The following FNDC3B variants were observed in gnomAD, a reference collection of about 807,000 sequenced individuals.
The protein encoded by FNDC3B is fibronectin type III domain-containing protein 3B.
FNDC3B carries 12 observed loss-of-function variants against 151.5 expected under a neutral mutation model. The ratio of observed to expected loss-of-function variants is 0.08; its 90% CI spans 0.05 to 0.13. The LOEUF is 0.13. Among genes scored for constraint, FNDC3B ranks in the 10% least tolerant of loss-of-function variants. The probability of loss-of-function intolerance (pLI) is 1.00; values close to 1 mark genes in which losing one functional copy is unlikely to be tolerated. For synonymous variants in FNDC3B, 528 were observed against 549.0 expected (o/e 0.96, Z 0.54); for missense variants, 1,214 against 1,505.3 (o/e 0.81, Z 3.20).
chr3:172,168,882 T>C lies in FNDC3B; in HGVS notation c.187+35336T>C, dbSNP rs1723147522. ...CGGCGCCACCACTCCCGGCTAATTT[T>C]TGTTATTTTTGCTAGAGACGGGGTT... is the stretch of plus-strand genomic sequence containing the variant. On this transcript the variant is annotated intron_variant, in intron 3 of 25. Transcript: ENST00000415807. Among the ~76,000 whole-genome samples, 3 of 151,262 alleles carry C rather than the reference T, an allele frequency of 2.0e-5. No homozygotes were observed. The South Asian group carries it at 6.3e-4, about 32-fold the overall frequency.
chr3:172,341,203 G>A lies in FNDC3B; in HGVS notation c.1943G>A (p.Cys648Tyr). The A allele has an allele frequency of 6.2e-7, 1 of 1,614,144 alleles. No homozygotes were observed. The highest frequency in any genetic ancestry group is 8.5e-7 in the Non-Finnish European group (1 of 1,179,968). ...GGCACTTTGTACAAACTCCGAGCAT[G>A]CTGCATCAGTACCGGCGGACACAGC... ...KPGTLYKLRA[C>Y]CISTGGHSQC... is the part of the protein sequence containing the mutation. The change falls in exon 17 of 26, where the codon TGC (cysteine) becomes TAC (tyrosine). Residue 648 changes from cysteine to tyrosine, a missense_variant. Transcript: ENST00000415807.
chr3:172,281,514 T>C (rs10936716), intron 6 of FNDC3B, among the ~76,000 whole-genome samples: 14,734 of 152,236 alleles, frequency 0.097, 779 homozygotes, highest in African/African-American at 0.14. Context: ...GAAAATGGTT[T>C]CGATCTGTTT....
At chr3:172,150,985 G>A (rs1018302514) in intron 3 of FNDC3B, among the ~76,000 whole-genome samples, 1 of 152,030 alleles carries the variant, frequency 6.6e-6, no homozygotes, top group Non-Finnish European at 1.5e-5. Flanking sequence ...CATTTTGTGT[G>A]TATGAAAAAA....
intron 3 of FNDC3B, among the ~76,000 whole-genome samples, chr3:172,149,748 T>C (rs1722110730): frequency 6.6e-6 from 1 of 151,744 alleles, no homozygotes; most frequent in African/African-American, 2.4e-5. Flanking sequence ...GTGTGATTTC[T>C]CTTGTTTTAA....
chr3:172,312,263 C>G (rs1312362044), intron 11 of FNDC3B, among the ~76,000 whole-genome samples: 1 of 152,190 alleles, frequency 6.6e-6, no homozygotes, highest in Non-Finnish European at 1.5e-5. Context: ...CCCAGAACAA[C>G]CGTCTGTTGT....
chr3:172,134,272 G>A (rs1721252967), intron 3 of FNDC3B: 1 of 475,860 alleles, frequency 2.1e-6, no homozygotes, highest in African/African-American at 2.0e-5. Flanking sequence ...TAGTTCACTT[G>A]GAAATAAATG....
chr3:172,318,411 C>A (rs545444631), intron 11 of FNDC3B, among the ~76,000 whole-genome samples: 3 of 152,136 alleles, frequency 2.0e-5, no homozygotes, highest in African/African-American at 7.2e-5. Flanking sequence ...GAGTTGGCCC[C>A]GTAGAAGATA....
At chr3:172,288,574 A>C (rs1366628614) in intron 7 of FNDC3B, among the ~76,000 whole-genome samples, 5 of 152,248 alleles carry the variant, frequency 3.3e-5, no homozygotes, top group African/African-American at 1.2e-4. Flanking sequence ...CATAAGCAGC[A>C]CATTATCTTT....
chr3:172,234,670 G>C (rs1197571064), intron 4 of FNDC3B, among the ~76,000 whole-genome samples: 1 of 152,170 alleles, frequency 6.6e-6, no homozygotes, highest in Non-Finnish European at 1.5e-5. Flanking sequence ...GATTTTCATA[G>C]TAGGATTGAC....
At chr3:172,298,290 T>G (rs1015403397) in intron 8 of FNDC3B, among the ~76,000 whole-genome samples, 1 of 152,208 alleles carries the variant, frequency 6.6e-6, no homozygotes, top group African/African-American at 2.4e-5. Context: ...CATTGGTAAG[T>G]GAGGAAGTGA....
chr3:172,136,737 T>C (rs1228144950), intron 3 of FNDC3B, among the ~76,000 whole-genome samples: 1 of 152,174 alleles, frequency 6.6e-6, no homozygotes, highest in African/African-American at 2.4e-5. Context: ...TTTTTTGTTT[T>C]GAGATGGAGT....
At chr3:172,326,697 C>T (rs1174611507) in intron 11 of FNDC3B, among the ~76,000 whole-genome samples, 1 of 152,152 alleles carries the variant, frequency 6.6e-6, no homozygotes, top group Non-Finnish European at 1.5e-5. Context: ...TGCTCTGGCT[C>T]TCTTAAAAGT....
At chr3:172,176,511 T>A (rs1276937558) in intron 3 of FNDC3B, among the ~76,000 whole-genome samples, 1 of 152,170 alleles carries the variant, frequency 6.6e-6, no homozygotes, top group Admixed American at 6.5e-5. Flanking sequence ...AGTTAGGAAA[T>A]TTAGTTCCTG....
At chr3:172,394,106 TAAAAAAA>T (rs60559371) in intron 25 of FNDC3B, among the ~76,000 whole-genome samples, 196 of 16,644 alleles carry the variant, frequency 0.012, 5 homozygotes, top group African/African-American at 0.038. Flanking sequence ...AGACTCCTTC[TAAAAAAA>T]AAAAAAAAAA....
At chr3:172,290,162 G>T (rs998035768) in intron 7 of FNDC3B, among the ~76,000 whole-genome samples, 3 of 152,074 alleles carry the variant, frequency 2.0e-5, no homozygotes, top group African/African-American at 7.2e-5. Context: ...TAAATAAAAG[G>T]CATATATTTT....
chr3:172,118,239 T>C (rs1720360532), intron 2 of FNDC3B, among the ~76,000 whole-genome samples: 1 of 152,222 alleles, frequency 6.6e-6, no homozygotes, highest in African/African-American at 2.4e-5. Context: ...GTGCCCCTCC[T>C]CCTAATCCAG....
intron 2 of FNDC3B, among the ~76,000 whole-genome samples, chr3:172,123,358 G>A (rs1160562811): frequency 6.6e-6 from 1 of 151,496 alleles, no homozygotes; most frequent in Non-Finnish European, 1.5e-5. Flanking sequence ...ACCTTTTGTT[G>A]TTGTTGTTAT....
chr3:172,265,478 A>G (rs886320871), intron 6 of FNDC3B, among the ~76,000 whole-genome samples: 1 of 152,186 alleles, frequency 6.6e-6, no homozygotes, highest in Non-Finnish European at 1.5e-5. Context: ...TGGATTTTAT[A>G]AAGATATGAA....
At chr3:172,192,901 TGAGTTTTTGTCAAAACTC>T (rs1214173262) in intron 3 of FNDC3B, among the ~76,000 whole-genome samples, 1 of 152,136 alleles carries the variant, frequency 6.6e-6, no homozygotes, top group Non-Finnish European at 1.5e-5. Flanking sequence ...CCAACCAGTT[TGAGTTTTTGTCAAAACTC>T]AAACTCGGTT....
Sources: gnomAD v4.1 joint callset for allele counts (sites outside exome capture counted in the v4.1 genomes callset) on GRCh38, gnomAD v4.1.1 for gene constraint, MANE v1.5 for transcripts, NCBI Gene and HGNC (gene_info 2026-07-23, HGNC 2026-07-21) for gene names.